Variants in SLIT2 observed in about 807,000 individuals in gnomAD.
The protein encoded by SLIT2 is slit homolog 2 protein.
A neutral mutation model predicts 185.7 loss-of-function variants in SLIT2; 41 were observed. The ratio of observed to expected loss-of-function variants is 0.22; its 90% CI spans 0.17 to 0.29. The LOEUF is 0.29. Among genes scored for constraint, SLIT2 ranks in the 10% least tolerant of loss-of-function variants. SLIT2 has a pLI of 1.00. For missense variants in SLIT2, 1,571 were observed against 1,909.0 expected, an observed-to-expected ratio of 0.82 and a Z score of 3.30; for synonymous variants, 693 against 680.2, an observed-to-expected ratio of 1.02 and a Z score of -0.29.
chr4:20,390,771 TAA>T (rs200126868), intron 4 of SLIT2, among the ~76,000 whole-genome samples: 1 of 127,738 alleles, frequency 7.8e-6, no homozygotes, highest in Admixed American at 8.0e-5. Flanking sequence ...TTTTTTTTTT[TAA>T]AAAAAAATAT....
chr4:20,488,827 A>T lies in SLIT2; in HGVS notation c.620A>T (p.His207Leu). Residue 207 changes from histidine to leucine, a missense_variant, in exon 8 of 37, where the codon CAT becomes CTT. By Grantham distance (99) the His-to-Leu change is moderately conservative (BLOSUM62 -3). This residue lies in a region of SLIT2 where 1,202 missense variants were observed against 1,416.4 expected (regional missense o/e 0.85). Coordinates refer to ENST00000504154, the MANE Select transcript of SLIT2 (RefSeq NM_004787.4). Reference sequence around the variant, plus strand: ...CTTTTTTTCTCATTTAGTCGACTGCATTCAAACAACCTGTATTGTGACTGC... The same window carrying T: ...CTTTTTTTCTCATTTAGTCGACTGCTTTCAAACAACCTGTATTGTGACTGC... The part of the protein sequence containing the change: ...HMPKLRTFRL[H>L]SNNLYCDCHL... The T allele has an allele frequency of 6.3e-7, 1 of 1,582,864 alleles. No homozygotes were observed. The highest frequency in any genetic ancestry group is 8.6e-7 in the Non-Finnish European group (1 of 1,163,460).
chr4:20,617,469 T>C lies in SLIT2; in HGVS notation c.4167T>C (p.Asn1389=), dbSNP rs1729757655. 1.2e-6 allele frequency: 2 copies of C among 1,614,126 alleles called. No individual in the cohort carries two copies. Among genetic ancestry groups the C allele is most frequent in the Non-Finnish European group, 1.7e-6 (2 of 1,180,002 alleles). The change falls in exon 36 of 37, where the codon AAT becomes AAC. Residue 1389 remains asparagine (N), a synonymous_variant. Coordinates refer to ENST00000504154, the MANE Select transcript of SLIT2 (RefSeq NM_004787.4). ...TACATGGCACCTGCTTGCCCATCAA[T>C]GCGTTCTCCTACAGCTGTAAGTGCT... is the stretch of plus-strand genomic sequence containing the variant. The part of the protein sequence containing the change: ...KCVHGTCLPI[N]AFSYSCKCLE...
At chr4:20,385,776 A>T (rs1724885653) in intron 4 of SLIT2, among the ~76,000 whole-genome samples, 3 of 152,168 alleles carry the variant, frequency 2.0e-5, no homozygotes, top group Admixed American at 1.3e-4. Flanking sequence ...CTGAAATATG[A>T]GTGTTCATTT....
chr4:20,602,874 AGTT>A (rs1375138460), intron 33 of SLIT2, among the ~76,000 whole-genome samples: 1 of 152,042 alleles, frequency 6.6e-6, no homozygotes, highest in Non-Finnish European at 1.5e-5. Flanking sequence ...TAACAGTACC[AGTT>A]GTTAAACATT....
chr4:20,254,075 G>C lies in SLIT2; in HGVS notation c.179+81G>C, dbSNP rs1577325198. 1 of 1,434,670 alleles carries C rather than the reference G, an allele frequency of 7.0e-7. No homozygotes were observed. The highest frequency in any genetic ancestry group is 1.2e-5 in the South Asian group (1 of 80,742). The allele number at this position is 1,434,670 out of a possible 1,614,324, so 88.9% of individuals were successfully genotyped here. A position where few individuals can be genotyped will look rare whatever the true frequency, so the allele number is the denominator to read the frequency against. ...TCCACTGGAGGAACCTGTCAGCTCA[G>C]GGTCCTGTGCCTGGGGCAGCCCTCG... On this transcript the variant is annotated intron_variant, in intron 1 of 36. Transcript: ENST00000504154. The surrounding 1 kb of genome is among the most constrained non-coding windows in gnomAD (Gnocchi z 5.1).
chr4:20,478,595 T>G (rs1038560002), intron 5 of SLIT2, among the ~76,000 whole-genome samples: 2 of 152,212 alleles, frequency 1.3e-5, no homozygotes, highest in East Asian at 1.9e-4. Flanking sequence ...GATTTATACA[T>G]TGACAGCTAA....
chr4:20,334,369 T>G (rs989810861), intron 4 of SLIT2, among the ~76,000 whole-genome samples: 1 of 152,128 alleles, frequency 6.6e-6, no homozygotes, highest in Non-Finnish European at 1.5e-5. Flanking sequence ...TGCATCAAAC[T>G]AAGAAGATGA....
At chr4:20,256,766 T>A in intron 2 of SLIT2, 23 bp downstream of exon 2, 5 of 1,239,830 alleles carry the variant, frequency 4.0e-6, no homozygotes, top group African/African-American at 1.5e-5. Context: ...TCTGTATTTT[T>A]AAATAATTTT....
intron 33 of SLIT2, among the ~76,000 whole-genome samples, chr4:20,607,891 C>A (rs913517741): frequency 6.6e-6 from 1 of 152,126 alleles, no homozygotes; most frequent in Non-Finnish European, 1.5e-5. Context: ...AAGGAATTCA[C>A]TTCTACTCTC....
chr4:20,472,598 C>CGA (rs1243899697), intron 5 of SLIT2, among the ~76,000 whole-genome samples: 350 of 7,764 alleles, frequency 0.045, 108 homozygotes, highest in Non-Finnish European at 0.058. Context: ...AGATATATAT[C>CGA]TATAGATATA....
chr4:20,376,994 A>G (rs1724075415), intron 4 of SLIT2, among the ~76,000 whole-genome samples: 1 of 152,150 alleles, frequency 6.6e-6, no homozygotes, highest in African/African-American at 2.4e-5. Context: ...CACGTTGTGC[A>G]CATGTACCCT....
intron 4 of SLIT2, among the ~76,000 whole-genome samples, chr4:20,319,139 T>C (rs140596315): frequency 1.3e-5 from 2 of 152,280 alleles, no homozygotes; most frequent in Non-Finnish European, 2.9e-5. Context: ...TTATTTTACA[T>C]TTATTGAGTG....
intron 4 of SLIT2, among the ~76,000 whole-genome samples, chr4:20,319,021 A>T (rs1358944089): frequency 6.6e-6 from 1 of 152,158 alleles, no homozygotes; most frequent in African/African-American, 2.4e-5. Flanking sequence ...GCAGTACTGT[A>T]TGCCTTCAGG....
intron 4 of SLIT2, among the ~76,000 whole-genome samples, chr4:20,404,355 A>G (rs1382438128): frequency 6.6e-5 from 10 of 151,918 alleles, no homozygotes; most frequent in African/African-American, 1.4e-4. Flanking sequence ...TAGCATAGTC[A>G]TTATAAACTC....
chr4:20,329,843 T>C (rs905749851), intron 4 of SLIT2, among the ~76,000 whole-genome samples: 3 of 152,064 alleles, frequency 2.0e-5, no homozygotes, highest in South Asian at 2.1e-4. Flanking sequence ...CAGTTGATGA[T>C]AGTTTTTCAT....
chr4:20,343,589 C>A (rs1156871234), intron 4 of SLIT2, among the ~76,000 whole-genome samples: 1 of 151,916 alleles, frequency 6.6e-6, no homozygotes, highest in Non-Finnish European at 1.5e-5. Context: ...GCACCCTCAA[C>A]CTCCTGGGCT....
At chr4:20,601,362 G>A (rs913461519) in intron 33 of SLIT2, among the ~76,000 whole-genome samples, 1 of 152,264 alleles carries the variant, frequency 6.6e-6, no homozygotes, top group Non-Finnish European at 1.5e-5. Context: ...AGAATTGTAC[G>A]ACATGATAAA....
chr4:20,473,629 A>C (rs1715798795), intron 5 of SLIT2, among the ~76,000 whole-genome samples: 1 of 152,038 alleles, frequency 6.6e-6, no homozygotes, highest in Non-Finnish European at 1.5e-5. Flanking sequence ...TGGCTCCATT[A>C]GAACCCATAG....
At chr4:20,531,124 A>G (rs996372109) in intron 16 of SLIT2, among the ~76,000 whole-genome samples, 2 of 152,054 alleles carry the variant, frequency 1.3e-5, no homozygotes, top group African/African-American at 4.8e-5. Context: ...TGCCCCTCCT[A>G]TGTATATGTC....
Sources: allele counts gnomAD v4.1 joint callset (sites outside exome capture counted in the v4.1 genomes callset), GRCh38; gene constraint gnomAD v4.1.1; regional missense constraint gnomAD v4.1.1; non-coding constraint Gnocchi (gnomAD v3.1); transcripts MANE v1.5; gene names NCBI Gene and HGNC (gene_info 2026-07-23, HGNC 2026-07-21).